HDAC4: variants seen among roughly 807,000 people sequenced by gnomAD.
HDAC4 encodes histone deacetylase A.
In HDAC4, 16 loss-of-function variants were observed where a neutral mutation model predicts 135.1. The ratio of observed to expected loss-of-function variants is 0.12; its 90% CI spans 0.08 to 0.18. The LOEUF is 0.18. HDAC4 is among the 10% of genes least tolerant of loss of function. The probability of loss-of-function intolerance (pLI) is 1.00; values close to 1 mark genes in which losing one functional copy is unlikely to be tolerated. For missense variants in HDAC4, 1,143 were observed against 1,511.8 expected (o/e 0.76, Z 4.05); for synonymous variants, 685 against 653.4 (o/e 1.05, Z -0.74).
At chr2:239,159,265 C>A (rs1306032999) in intron 6 of HDAC4, among the ~76,000 whole-genome samples, 2 of 151,060 alleles carry the variant, frequency 1.3e-5, no homozygotes, top group Non-Finnish European at 3.0e-5. Flanking sequence ...ACACTACTCA[C>A]ACCCACTCAC....
chr2:239,320,483 T>C (rs910479826), intron 2 of HDAC4, among the ~76,000 whole-genome samples: 3 of 150,848 alleles, frequency 2.0e-5, no homozygotes, highest in Admixed American at 1.3e-4. Context: ...ACAAATGACA[T>C]AGGTAAATCT....
intron 16 of HDAC4, among the ~76,000 whole-genome samples, chr2:239,096,370 A>ACTC (rs1559418182): frequency 1.2e-5 from 1 of 80,558 alleles, no homozygotes; most frequent in Non-Finnish European, 2.3e-5. Context: ...GATGCCTGCA[A>ACTC]CCCCCCCCGA....
chr2:239,126,311 G>A (rs1575121021), intron 12 of HDAC4, 145 bp downstream of exon 12: 2 of 1,364,572 alleles, frequency 1.5e-6, no homozygotes, highest in East Asian at 4.7e-5. Flanking sequence ...CTGTGCTGTG[G>A]GCCAGAGCAT....
intron 2 of HDAC4, among the ~76,000 whole-genome samples, chr2:239,252,446 G>A (rs963274965): frequency 2.6e-5 from 4 of 152,240 alleles, no homozygotes; most frequent in African/African-American, 7.2e-5. Flanking sequence ...CACAGCCCAC[G>A]TTGTGGGAGC....
intron 1 of HDAC4, among the ~76,000 whole-genome samples, chr2:239,386,287 A>C (rs1695803847): frequency 6.6e-6 from 1 of 152,096 alleles, no homozygotes; most frequent in African/African-American, 2.4e-5. Flanking sequence ...TCAAATGCTC[A>C]AACGGAATTA....
At chr2:239,354,562 A>ATTTTTTT (rs566361037) in intron 1 of HDAC4, among the ~76,000 whole-genome samples, 7 of 76,536 alleles carry the variant, frequency 9.1e-5, no homozygotes, top group Admixed American at 1.8e-4. Flanking sequence ...TAGTCTAGAA[A>ATTTTTTT]TTTTTTTTTT....
chr2:239,358,831 C>CCT (rs1317222149), intron 1 of HDAC4, among the ~76,000 whole-genome samples: 1 of 152,204 alleles, frequency 6.6e-6, no homozygotes, highest in African/African-American at 2.4e-5. Context: ...GAATCGCTAA[C>CCT]CTCTACACAT....
chr2:239,376,085 G>T (rs938277957), intron 1 of HDAC4, among the ~76,000 whole-genome samples: 1 of 152,108 alleles, frequency 6.6e-6, no homozygotes, highest in East Asian at 1.9e-4. Context: ...AGCAAGGCAG[G>T]TGCTGTGTGC....
intron 2 of HDAC4, among the ~76,000 whole-genome samples, chr2:239,251,760 C>T (rs1368569569): frequency 3.3e-5 from 5 of 152,004 alleles, no homozygotes; most frequent in Non-Finnish European, 1.5e-5. Flanking sequence ...AAGATAATCA[C>T]ATCATTATTA....
chr2:239,209,869 G>C (rs550786047), intron 3 of HDAC4, among the ~76,000 whole-genome samples: 1 of 152,296 alleles, frequency 6.6e-6, no homozygotes, highest in South Asian at 2.1e-4. Flanking sequence ...CTGACAGCAG[G>C]GGAAACAAAG....
chr2:239,253,769 A>G (rs2048910325), intron 2 of HDAC4, among the ~76,000 whole-genome samples: 1 of 152,224 alleles, frequency 6.6e-6, no homozygotes, highest in Non-Finnish European at 1.5e-5. Context: ...CGGCCCTCTG[A>G]GCAGGTGCAC....
chr2:239,183,358 G>C (rs992445051), intron 4 of HDAC4, among the ~76,000 whole-genome samples: 2 of 152,252 alleles, frequency 1.3e-5, no homozygotes, highest in Non-Finnish European at 2.9e-5. Context: ...AACTTGCCAG[G>C]GGAACAGCCC....
At chr2:239,321,168 C>T (rs1487308943) in intron 2 of HDAC4, among the ~76,000 whole-genome samples, 1 of 152,102 alleles carries the variant, frequency 6.6e-6, no homozygotes, top group Non-Finnish European at 1.5e-5. Flanking sequence ...CTCTAAGCTT[C>T]ATAAGATTAG....
At chr2:239,315,474 T>A (rs1463916979) in intron 2 of HDAC4, among the ~76,000 whole-genome samples, 1 of 152,110 alleles carries the variant, frequency 6.6e-6, no homozygotes, top group Non-Finnish European at 1.5e-5. Flanking sequence ...TAGAGAAACA[T>A]TCAAAATGAA....
chr2:239,214,357 G>A (rs1014473811), intron 3 of HDAC4, among the ~76,000 whole-genome samples: 7 of 152,156 alleles, frequency 4.6e-5, no homozygotes, highest in Non-Finnish European at 7.3e-5. Context: ...AAGAACCCTC[G>A]TGAAGACAAA....
chr2:239,349,542 G>A lies in HDAC4; in HGVS notation c.22+3136C>T, dbSNP rs1308444824. Among the ~76,000 whole-genome samples, 1 of 152,226 alleles carries A rather than the reference G, an allele frequency of 6.6e-6. No homozygotes were observed. The highest frequency in any genetic ancestry group is 6.5e-5 in the Admixed American group (1 of 15,292). On this transcript the variant is annotated intron_variant, in intron 2 of 26. Coordinates refer to ENST00000543185, the MANE Select transcript of HDAC4 (RefSeq NM_001378414.1). The surrounding 1 kb of genome is among the most constrained non-coding windows in gnomAD (Gnocchi z 5.7). ...CTTCCCGAAACTAGAGATCTCTGGG[G>A]ATGGAGCTGCTTGGGAAGGCACACA...
Position 239,211,434 on chromosome 2 carries a change from T to A in HDAC4, c.95-21357A>T, listed in dbSNP as rs374114430. Among the ~76,000 whole-genome samples, 3 of 152,298 alleles carry A rather than the reference T, an allele frequency of 2.0e-5. No individual in the cohort carries two copies. The East Asian group carries it at 5.8e-4, about 29-fold the overall frequency. On this transcript the variant is annotated intron_variant, in intron 3 of 26. Coordinates refer to ENST00000543185, the MANE Select transcript of HDAC4 (RefSeq NM_001378414.1). ...TGGTCCCCAGGGTGGTCCGGGCCCC[T>A]GCACACATCTTGACTGGGTTTAGTC...
intron 13 of HDAC4, among the ~76,000 whole-genome samples, chr2:239,114,779 G>A (rs1464551944): frequency 4.6e-5 from 7 of 152,158 alleles, no homozygotes; most frequent in Non-Finnish European, 8.8e-5. Flanking sequence ...CCTACAGACA[G>A]GAAGGAAATC....
chr2:239,212,099 C>T (rs1458448600), intron 3 of HDAC4, among the ~76,000 whole-genome samples: 1 of 152,192 alleles, frequency 6.6e-6, no homozygotes, highest in African/African-American at 2.4e-5. Flanking sequence ...GATGTTCTGT[C>T]TCACTAAAAT....
Sources: gnomAD v4.1 joint callset for allele counts (sites outside exome capture counted in the v4.1 genomes callset) on GRCh38, gnomAD v4.1.1 for gene constraint, Gnocchi (gnomAD v3.1) non-coding constraint, MANE v1.5 for transcripts, NCBI Gene and HGNC (gene_info 2026-07-23, HGNC 2026-07-21) for gene names.